LRP1B: variants seen among roughly 807,000 people sequenced by gnomAD.
The protein encoded by LRP1B is LDL receptor related protein 1B.
A neutral mutation model predicts 556.6 loss-of-function variants in LRP1B; 217 were observed. The observed-to-expected ratio is 0.39, with a 90% CI of 0.35 to 0.44. The LOEUF is 0.44. LRP1B is among the 20% of genes least tolerant of loss of function. The probability of loss-of-function intolerance (pLI) is 1.00; values close to 1 mark genes in which losing one functional copy is unlikely to be tolerated. For missense variants in LRP1B, 5,053 were observed against 5,620.8 expected, an observed-to-expected ratio of 0.90 and a Z score of 3.23; for synonymous variants, 2,047 against 1,865.8, an observed-to-expected ratio of 1.10 and a Z score of -2.50.
chr2:142,011,654 T>G (rs1464520683), intron 1 of LRP1B, among the ~76,000 whole-genome samples: 2 of 152,166 alleles, frequency 1.3e-5, no homozygotes, highest in African/African-American at 2.4e-5. Flanking sequence ...ATCAATACTT[T>G]TAACCTACTG....
intron 3 of LRP1B, among the ~76,000 whole-genome samples, chr2:141,286,004 T>C (rs1465391173): frequency 8.6e-6 from 1 of 115,684 alleles, no homozygotes; most frequent in Admixed American, 8.7e-5. Context: ...GAGGCGGAGC[T>C]TGCAGTGAGC....
intron 2 of LRP1B, among the ~76,000 whole-genome samples, chr2:141,744,564 T>C (rs1693842235): frequency 6.6e-6 from 1 of 152,218 alleles, no homozygotes; most frequent in Non-Finnish European, 1.5e-5. Context: ...GAAAAATCTA[T>C]CTGTCCAATG....
chr2:140,323,869 A>G, intron 81 of LRP1B, 24 bp downstream of exon 81: 1 of 1,192,086 alleles, frequency 8.4e-7, no homozygotes, highest in Non-Finnish European at 1.2e-6. Flanking sequence ...CAATATAGAC[A>G]ACTTCATAAT....
chr2:140,310,395 C>T (rs1348672487), intron 83 of LRP1B, among the ~76,000 whole-genome samples: 1 of 140,748 alleles, frequency 7.1e-6, no homozygotes, highest in Non-Finnish European at 1.5e-5. Context: ...AAAAAGCAAT[C>T]CTAAAATTCA....
chr2:141,367,677 T>A (rs570069657), intron 3 of LRP1B, among the ~76,000 whole-genome samples: 1 of 151,444 alleles, frequency 6.6e-6, no homozygotes, highest in Non-Finnish European at 1.5e-5. Flanking sequence ...AGAGACAGAG[T>A]TTCATCTTGT....
Position 140,247,276 on chromosome 2 carries a change from T to C in LRP1B, c.13248-114A>G, listed in dbSNP as rs1321140814. On this transcript the variant is annotated intron_variant, in intron 86 of 90. Transcript: ENST00000389484. ...GTTACAGGAGCCAGTCATCACAAATTCATAAATATTACATAGAGATTTCTG... is the reference window on the plus strand; with the variant it reads ...GTTACAGGAGCCAGTCATCACAAATCCATAAATATTACATAGAGATTTCTG... The C allele has an allele frequency of 5.8e-6, 4 of 688,744 alleles. No individual in the cohort carries two copies. In the African/African-American group the frequency reaches 7.1e-5, roughly 12 times the overall value. 42.7% of individuals were successfully genotyped at this position (688,744 alleles called of 1,614,324 possible).
At chr2:141,582,650 T>A (rs1196815627) in intron 2 of LRP1B, among the ~76,000 whole-genome samples, 3 of 151,388 alleles carry the variant, frequency 2.0e-5, no homozygotes, top group Non-Finnish European at 2.9e-5. Flanking sequence ...CCTGGGAAGG[T>A]GTAAAGATAA....
intron 7 of LRP1B, among the ~76,000 whole-genome samples, chr2:141,156,651 T>G (rs1702075686): frequency 6.6e-6 from 1 of 151,606 alleles, no homozygotes; most frequent in Non-Finnish European, 1.5e-5. Context: ...TTCACAAACT[T>G]CAACTCTGAG....
At chr2:141,318,017 CAACAA>C (rs1273174151) in intron 3 of LRP1B, among the ~76,000 whole-genome samples, 7 of 151,944 alleles carry the variant, frequency 4.6e-5, no homozygotes, top group Non-Finnish European at 8.8e-5. Context: ...GCAGTCAAAA[CAACAA>C]AACAAAACAA....
At chr2:140,701,238 T>C (rs1332322005) in intron 40 of LRP1B, among the ~76,000 whole-genome samples, 1 of 152,056 alleles carries the variant, frequency 6.6e-6, no homozygotes, top group Non-Finnish European at 1.5e-5. Flanking sequence ...AAATTTTAAA[T>C]ACCCAAATCA....
intron 45 of LRP1B, among the ~76,000 whole-genome samples, chr2:140,537,588 A>G (rs1679966943): frequency 6.6e-6 from 1 of 152,086 alleles, no homozygotes; most frequent in African/African-American, 2.4e-5. Context: ...CACCTACTCC[A>G]TGAAATGTAC....
At chr2:140,452,539 TAA>T in intron 62 of LRP1B, among the ~76,000 whole-genome samples, 1 of 152,154 alleles carries the variant, frequency 6.6e-6, no homozygotes, top group East Asian at 1.9e-4. Flanking sequence ...GATGACTTTC[TAA>T]AAGTTATTAA....
chr2:141,725,238 AT>A (rs1022959660), intron 2 of LRP1B, among the ~76,000 whole-genome samples: 1 of 151,942 alleles, frequency 6.6e-6, no homozygotes, highest in Non-Finnish European at 1.5e-5. Flanking sequence ...ATCTTACCAC[AT>A]TTTTTATGAG....
At chr2:140,295,654 C>G (rs768487630) in intron 84 of LRP1B, among the ~76,000 whole-genome samples, 20 of 152,084 alleles carry the variant, frequency 1.3e-4, no homozygotes, top group Non-Finnish European at 2.6e-4. Context: ...ATTCAGAAGC[C>G]TATTTATTTT....
intron 1 of LRP1B, among the ~76,000 whole-genome samples, chr2:141,853,251 C>T (rs1697925117): frequency 1.3e-5 from 2 of 151,232 alleles, no homozygotes; most frequent in South Asian, 4.2e-4. Flanking sequence ...ATCTGGGATG[C>T]CTGGATTGTA....
intron 7 of LRP1B, among the ~76,000 whole-genome samples, chr2:141,065,489 C>T (rs1420913511): frequency 6.6e-6 from 1 of 151,876 alleles, no homozygotes. Context: ...CTCCTTTAAT[C>T]TTGAGCAGTT....
At chr2:141,024,373 A>G (rs1357314509) in intron 11 of LRP1B, among the ~76,000 whole-genome samples, 1 of 152,032 alleles carries the variant, frequency 6.6e-6, no homozygotes, top group Non-Finnish European at 1.5e-5. Context: ...GTTGTATTCA[A>G]AGAGATATGT....
intron 2 of LRP1B, among the ~76,000 whole-genome samples, chr2:141,498,554 A>C (rs918743621): frequency 1.3e-5 from 2 of 151,878 alleles, no homozygotes; most frequent in Non-Finnish European, 2.9e-5. Context: ...AATGTTCACG[A>C]TCTATTATGG....
chr2:141,714,464 T>C (rs1692495149), intron 2 of LRP1B, among the ~76,000 whole-genome samples: 1 of 149,088 alleles, frequency 6.7e-6, no homozygotes, highest in African/African-American at 2.5e-5. Flanking sequence ...TTTTTTTTCC[T>C]ATATTTTAAG....
Sources: gnomAD v4.1 joint callset for allele counts (sites outside exome capture counted in the v4.1 genomes callset) on GRCh38, gnomAD v4.1.1 for gene constraint, MANE v1.5 for transcripts, NCBI Gene and HGNC (gene_info 2026-07-23, HGNC 2026-07-21) for gene names.